CTC1: variants seen among roughly 807,000 people sequenced by gnomAD.
CTC1 encodes CST telomere replication complex component 1.
Under a neutral mutation model 136.3 loss-of-function variants are expected in CTC1, and 91 were observed. The observed-to-expected ratio is 0.67, with a 90% confidence interval of 0.56 to 0.79. The LOEUF (loss-of-function observed/expected upper bound fraction) is 0.79, where lower values mean the gene tolerates loss of function less well. Ranked by LOEUF, CTC1 falls within the 30% of genes least tolerant of loss-of-function variation. CTC1 has a pLI of 0.00. For synonymous variants in CTC1, 606 were observed against 613.8 expected (o/e 0.99, Z 0.19); for missense variants, 1,432 against 1,498.1 (o/e 0.96, Z 0.73).
Position 8,228,017 on chromosome 17 carries a change from G to T in CTC1, c.*163C>A. ...TTCCTGTTGCCACAATTTTGCCAAG[G>T]CAGGCTGGCACCAGAACACCAAAGA... is the stretch of plus-strand genomic sequence containing the variant. On this transcript the variant is annotated 3_prime_UTR_variant, in exon 23 of 23. Coordinates refer to ENST00000651323, the MANE Select transcript of CTC1 (RefSeq NM_025099.6). 1.4e-6 allele frequency: 1 copy of T among 696,882 alleles called. No individual in the cohort carries two copies. The highest frequency in any genetic ancestry group is 2.1e-5 in the South Asian group (1 of 47,910). The allele number at this position is 696,882 out of a possible 1,614,324, so 43.2% of individuals were successfully genotyped here.
In CTC1 at chr17:8,225,715, G is replaced by C. The variant is rs1444057944; in HGVS notation, c.*2465C>G. 6.6e-6 allele frequency: 1 copy of C among 152,114 alleles called. No homozygotes were observed. Among genetic ancestry groups the C allele is most frequent in the African/African-American group, 2.4e-5 (1 of 41,398 alleles). 9.4% of individuals were successfully genotyped at this position (152,114 alleles called of 1,614,324 possible). On this transcript the variant is annotated 3_prime_UTR_variant, in exon 23 of 23. Transcript: ENST00000651323. ...TGCTTACTCCTTACCCTGACATCCC[G>C]CTGGTGGAGAGGGATGGAGGTAACT...
At position 8,227,036 on chromosome 17, in the gene CTC1, C is replaced by T. The variant is rs918818143; in HGVS notation, c.*1144G>A. 4.6e-5 allele frequency: 7 copies of T among 151,600 alleles called. No individual in the cohort carries two copies. The South Asian group carries it at 1.2e-3, about 25-fold the overall frequency. 9.4% of individuals were successfully genotyped at this position (151,600 alleles called of 1,614,324 possible). ...CCCGCGACCTTGGCGTTATTAGCAC[C>T]ACGCTCTAACCAACTGAGCTAACCG... On this transcript the variant is annotated 3_prime_UTR_variant, in exon 23 of 23. Coordinates refer to ENST00000651323, the MANE Select transcript of CTC1 (RefSeq NM_025099.6).
chr17:8,238,479 T>C lies in CTC1; in HGVS notation c.348A>G (p.Thr116=), dbSNP rs1320129952. ...CCAAGTCTGCCGATAGGTCTGTTAG[T>C]GTCCCTAAAAGTAACAGCTGCTCTC... ...LPREQLLLLG[T]LTDLSADLEQ... The change falls in exon 3 of 23, where the codon ACA becomes ACG. Residue 116 remains threonine (T), a synonymous_variant. Transcript: ENST00000651323. 6.8e-6 allele frequency: 11 copies of C among 1,614,238 alleles called. No homozygotes were observed. The highest frequency in any genetic ancestry group is 1.1e-5 in the South Asian group (1 of 91,090).
intron 2 of CTC1, among the ~76,000 whole-genome samples, chr17:8,241,198 G>C (rs944802906): frequency 6.6e-6 from 1 of 152,042 alleles, no homozygotes. Context: ...TGAGACAGGA[G>C]AATCGCTTGA....
rs1243065644 is a variant in CTC1, at chr17:8,234,596, T to C, written c.1677A>G (p.Gly559=). Reference sequence around the variant, plus strand: ...CAAAGGAGGCCCAGGCCTTACGCTGTCCTTCTTCTTTCAGGGTGGCCAGAG... The same window carrying C: ...CAAAGGAGGCCCAGGCCTTACGCTGCCCTTCTTCTTTCAGGGTGGCCAGAG... The part of the protein sequence containing the change: ...FPTLATLKEE[G]QRKAWASFDP... The change falls in exon 10 of 23, where the codon GGA becomes GGG. Residue 559 remains glycine, a synonymous_variant. Coordinates refer to ENST00000651323, the MANE Select transcript of CTC1 (RefSeq NM_025099.6). The C allele has an allele frequency of 1.2e-6, 2 of 1,611,602 alleles. No homozygotes were observed. The highest frequency in any genetic ancestry group is 1.7e-6 in the Non-Finnish European group (2 of 1,178,998).
At chr17:8,245,362 C>T (rs1448466876) in intron 1 of CTC1, among the ~76,000 whole-genome samples, 5 of 152,190 alleles carry the variant, frequency 3.3e-5, no homozygotes, top group African/African-American at 1.2e-4. Context: ...AGCCCTACCA[C>T]TGACTTTCAG....
chr17:8,239,260 G>A (rs73244862), intron 2 of CTC1, among the ~76,000 whole-genome samples: 2,972 of 152,180 alleles, frequency 0.02, 103 homozygotes, highest in African/African-American at 0.068. Context: ...CACTTTGTAA[G>A]TAACAAAGGC....
intron 2 of CTC1, among the ~76,000 whole-genome samples, chr17:8,239,822 A>G (rs1988061652): frequency 6.6e-6 from 1 of 152,218 alleles, no homozygotes; most frequent in Non-Finnish European, 1.5e-5. Context: ...AATGAGTATC[A>G]AAGAGAGAGA....
chr17:8,239,459 A>T (rs1034881676), intron 2 of CTC1, among the ~76,000 whole-genome samples: 1 of 152,222 alleles, frequency 6.6e-6, no homozygotes, highest in African/African-American at 2.4e-5. Context: ...TAATGGTTAA[A>T]TTATCAACGT....
intron 2 of CTC1, among the ~76,000 whole-genome samples, chr17:8,239,388 A>G (rs1285884368): frequency 2.0e-5 from 3 of 152,178 alleles, no homozygotes; most frequent in Admixed American, 2.0e-4. Flanking sequence ...CTAGAATAGC[A>G]CAGTACTAGA....
At chr17:8,231,072 T>G (rs967315025) in intron 15 of CTC1, 4 of 511,750 alleles carry the variant, frequency 7.8e-6, no homozygotes, top group Non-Finnish European at 1.4e-5. Context: ...ACCAGGGAAG[T>G]AGAGGTTTCA....
At chr17:8,234,136 C>A (rs908987572) in intron 10 of CTC1, among the ~76,000 whole-genome samples, 1 of 152,126 alleles carries the variant, frequency 6.6e-6, no homozygotes, top group Non-Finnish European at 1.5e-5. Flanking sequence ...CACATGCCAC[C>A]GCACCTAATT....
rs371616292 is a variant in CTC1, at chr17:8,239,402, TA to T, written c.198-774del. ...TCTAGAATAGCACAGTACTAGAGACTAGGGGGGAAGCTGAGGCTGAGATGTG... is the reference window on the plus strand; with the variant it reads ...TCTAGAATAGCACAGTACTAGAGACTGGGGGGAAGCTGAGGCTGAGATGTG... On this transcript the variant is annotated intron_variant, in intron 2 of 22. Transcript: ENST00000651323. Among the ~76,000 whole-genome samples, 26 of 152,256 alleles carry T rather than the reference TA, an allele frequency of 1.7e-4. 1 individual carries two copies. The East Asian group carries it at 2.5e-3, about 15-fold the overall frequency.
At chr17:8,239,478 A>G (rs1988032267) in intron 2 of CTC1, among the ~76,000 whole-genome samples, 1 of 151,946 alleles carries the variant, frequency 6.6e-6, no homozygotes, top group Non-Finnish European at 1.5e-5. Context: ...GTTGTGATAA[A>G]TTCACCTTTT....
intron 2 of CTC1, among the ~76,000 whole-genome samples, chr17:8,239,089 CAAAAAAAAAAAAAA>C (rs778191636): frequency 4.1e-5 from 2 of 48,766 alleles, no homozygotes. Flanking sequence ...GAGACTGTCT[CAAAAAAAAAAAAAA>C]AAAAAAAGGA....
chr17:8,230,875 C>T, intron 15 of CTC1: 1 of 556,320 alleles, frequency 1.8e-6, no homozygotes, highest in South Asian at 2.2e-5. Context: ...GTGGCTCACG[C>T]CCCTAAATCC....
rs1986721699 is a variant in CTC1, at chr17:8,226,719, T to C, written c.*1461A>G. On this transcript the variant is annotated 3_prime_UTR_variant, in exon 23 of 23. Coordinates refer to ENST00000651323, the MANE Select transcript of CTC1 (RefSeq NM_025099.6). ...GGCTTAGGGCTTCGTTTTCATCCAA[T>C]GCCTTTCTTACTTCCCTTGACTGAC... 6.6e-6 allele frequency: 1 copy of C among 152,218 alleles called. No homozygotes were observed. Among genetic ancestry groups the C allele is most frequent in the African/African-American group, 2.4e-5 (1 of 41,456 alleles). 9.4% of individuals were successfully genotyped at this position (152,218 alleles called of 1,614,324 possible). A position where few individuals can be genotyped will look rare whatever the true frequency, so the allele number is the denominator to read the frequency against.
At position 8,227,187 on chromosome 17, in the gene CTC1, C is replaced by G. The variant is rs991480045; in HGVS notation, c.*993G>C. 1 of 150,542 alleles carries G rather than the reference C, an allele frequency of 6.6e-6. No homozygotes were observed. Among genetic ancestry groups the G allele is most frequent in the Non-Finnish European group, 1.5e-5 (1 of 68,060 alleles). The allele number at this position is 150,542 out of a possible 1,614,324, so 9.3% of individuals were successfully genotyped here. On this transcript the variant is annotated 3_prime_UTR_variant, in exon 23 of 23. Transcript: ENST00000651323. ...TCTCCCAAACACGAACAAATCCTAA[C>G]AGCCAGGAAGAAATGGCCTCCCAGT...
chr17:8,230,534 T>C, intron 16 of CTC1, 29 bp downstream of exon 16: 2 of 1,613,456 alleles, frequency 1.2e-6, no homozygotes, highest in Non-Finnish European at 1.7e-6. Context: ...CTCTATTTCA[T>C]ACCTTCCCCA....
Sources: allele counts gnomAD v4.1 joint callset (sites outside exome capture counted in the v4.1 genomes callset), GRCh38; gene constraint gnomAD v4.1.1; transcripts MANE v1.5; gene names NCBI Gene and HGNC (gene_info 2026-07-23, HGNC 2026-07-21).